TAFA5: variants seen among roughly 807,000 people sequenced by gnomAD.
TAFA5 encodes the protein chemokine-like protein TAFA-5.
In TAFA5, 6 loss-of-function variants were observed where a neutral mutation model predicts 15.3. The ratio of observed to expected loss-of-function variants is 0.39; its 90% confidence interval spans 0.21 to 0.77. The LOEUF (loss-of-function observed/expected upper bound fraction) is 0.77. TAFA5 is among the 30% of genes least tolerant of loss of function. TAFA5 has a pLI of 0.41. For synonymous variants in TAFA5, 103 were observed against 80.7 expected, an observed-to-expected ratio of 1.28 and a Z score of -1.48; for missense variants, 161 against 193.1, an observed-to-expected ratio of 0.83 and a Z score of 0.98.
intron 2 of TAFA5, among the ~76,000 whole-genome samples, chr22:48,676,674 C>G (rs1927982009): frequency 6.6e-6 from 1 of 152,246 alleles, no homozygotes; most frequent in African/African-American, 2.4e-5. Flanking sequence ...GCCACCCTCT[C>G]CCCAGCCAGT....
At chr22:48,665,137 G>A (rs139744623) in intron 2 of TAFA5, among the ~76,000 whole-genome samples, 77 of 152,270 alleles carry the variant, frequency 5.1e-4, no homozygotes, top group African/African-American at 1.7e-3. Flanking sequence ...ACGGTGTTTC[G>A]TGGACTTGGT....
chr22:48,525,195 C>T lies in TAFA5; in HGVS notation c.112+35491C>T, dbSNP rs184449493. Among the ~76,000 whole-genome samples the T allele has an allele frequency of 6.9e-4, 105 of 152,254 alleles. 1 individual carries two copies. The highest frequency in any genetic ancestry group is 1.2e-3 in the Non-Finnish European group (84 of 68,000). On this transcript the variant is annotated intron_variant, in intron 1 of 3. Coordinates refer to ENST00000402357, the MANE Select transcript of TAFA5 (RefSeq NM_001082967.3). ...CGTCCCTTTGCCATGTAGGGTGACC[C>T]GGTGACCCATTCACAGGCTCCAGAG...
At position 48,566,900 on chromosome 22, in the gene TAFA5, T is replaced by C. The variant is rs985435689; in HGVS notation, c.112+77196T>C. 6.6e-6 allele frequency among the ~76,000 whole-genome samples: 1 copy of C among 152,190 alleles called. No homozygotes were observed. The highest frequency in any genetic ancestry group is 1.5e-5 in the Non-Finnish European group (1 of 68,032). ...CCACTGTGGTTTCATGATTTACGCC[T>C]GGGGCCGTCAGTGGGTTGGGTTTGT... On this transcript the variant is annotated intron_variant, in intron 1 of 3. Coordinates refer to ENST00000402357, the MANE Select transcript of TAFA5 (RefSeq NM_001082967.3). The surrounding 1 kb of genome is among the most constrained non-coding windows in gnomAD (Gnocchi z 4.5).
At chr22:48,546,407 G>A (rs1234779597) in intron 1 of TAFA5, 3 of 450,960 alleles carry the variant, frequency 6.7e-6, no homozygotes, top group African/African-American at 6.0e-5. Flanking sequence ...GATGGCTCTT[G>A]GAGGTCCCCG....
intron 1 of TAFA5, among the ~76,000 whole-genome samples, chr22:48,589,244 G>A (rs1218319565): frequency 6.6e-6 from 1 of 152,054 alleles, no homozygotes; most frequent in African/African-American, 2.4e-5. Context: ...CTGGCGGAAG[G>A]TGGCCAGGGG....
intron 1 of TAFA5, among the ~76,000 whole-genome samples, chr22:48,583,870 GCAA>G (rs1924209652): frequency 1.6e-5 from 2 of 126,166 alleles, no homozygotes; most frequent in Admixed American, 1.6e-4. Context: ...ACACACACAC[GCAA>G]CATCATACAC....
intron 2 of TAFA5, among the ~76,000 whole-genome samples, chr22:48,662,916 C>T (rs574880038): frequency 8.9e-4 from 136 of 152,322 alleles, no homozygotes; most frequent in Middle Eastern, 3.4e-3. Context: ...AGACCTCCCA[C>T]GCAGGGAGCC....
chr22:48,743,351 C>T lies in TAFA5; in HGVS notation c.391-6488C>T, dbSNP rs545399091. 2.6e-5 allele frequency among the ~76,000 whole-genome samples: 4 copies of T among 152,348 alleles called. No homozygotes were observed. The East Asian group carries it at 7.7e-4, about 29-fold the overall frequency. The stretch of plus-strand genomic sequence containing the variant: ...TGGCTCCCGCCTCTGTCTCTGTCTG[C>T]ATGGGGCCTGCTGCTCTGTGTGTTT... On this transcript the variant is annotated intron_variant, in intron 3 of 3. Coordinates refer to ENST00000402357, the MANE Select transcript of TAFA5 (RefSeq NM_001082967.3).
In TAFA5 at chr22:48,560,389, G is replaced by GGC. The variant is rs1923188274; in HGVS notation, c.112+70685_112+70686insGC. On this transcript the variant is annotated intron_variant, in intron 1 of 3. Transcript: ENST00000402357. This position sits in a 1 kb window ranked among gnomAD's most constrained non-coding sequence, Gnocchi z 4.2. ...CCATTCTCGGCCTCCAATCCCTGGA[G>GGC]ACCACACGTGGGATGCCAGGAGCAC... Among the ~76,000 whole-genome samples, 3 of 152,138 alleles carry GGC rather than the reference G, an allele frequency of 2.0e-5. No individual in the cohort carries two copies. Among genetic ancestry groups the GGC allele is most frequent in the Non-Finnish European group, 4.4e-5 (3 of 68,028 alleles).
intron 3 of TAFA5, among the ~76,000 whole-genome samples, chr22:48,740,490 AG>A (rs960721341): frequency 3.9e-5 from 6 of 152,294 alleles, no homozygotes; most frequent in African/African-American, 1.2e-4. Flanking sequence ...TGGGCTTACC[AG>A]GGGGGCAGGG....
intron 1 of TAFA5, among the ~76,000 whole-genome samples, chr22:48,502,969 T>C (rs1920961560): frequency 6.6e-6 from 1 of 152,210 alleles, no homozygotes; most frequent in African/African-American, 2.4e-5. Context: ...CATTTATTGG[T>C]GCTAATTCAT....
chr22:48,689,773 T>C (rs933150076), intron 2 of TAFA5, among the ~76,000 whole-genome samples: 1 of 152,130 alleles, frequency 6.6e-6, no homozygotes, highest in African/African-American at 2.4e-5. Flanking sequence ...GATGGGCTGG[T>C]ATCATTGGCA....
intron 1 of TAFA5, among the ~76,000 whole-genome samples, chr22:48,510,359 AAAT>A (rs1921167182): frequency 6.6e-6 from 1 of 152,250 alleles, no homozygotes; most frequent in African/African-American, 2.4e-5. Context: ...AAAAACCCCC[AAAT>A]AATCTCATTA....
chr22:48,629,526 G>A (rs1838318157), intron 1 of TAFA5, among the ~76,000 whole-genome samples: 1 of 152,202 alleles, frequency 6.6e-6, no homozygotes, highest in South Asian at 2.1e-4. Context: ...CCTAGAAACG[G>A]TCTGAAAGGC....
chr22:48,750,018 G>A lies in TAFA5; in HGVS notation c.*171G>A. On this transcript the variant is annotated 3_prime_UTR_variant, in exon 4 of 4. Transcript: ENST00000402357. ...TCAGGCCTTGGCATCCTGAGCTTCG[G>A]TCTGTCCAGCCGACCCGAGGAGGCC... 1 of 682,980 alleles carries A rather than the reference G, an allele frequency of 1.5e-6. No homozygotes were observed. Among genetic ancestry groups the A allele is most frequent in the Admixed American group, 2.4e-5 (1 of 41,116 alleles). 42.3% of individuals were successfully genotyped at this position (682,980 alleles called of 1,614,324 possible). A position where few individuals can be genotyped will look rare whatever the true frequency, so the allele number is the denominator to read the frequency against.
intron 1 of TAFA5, among the ~76,000 whole-genome samples, chr22:48,634,713 C>A (rs1206486937): frequency 2.0e-5 from 3 of 151,778 alleles, no homozygotes; most frequent in Admixed American, 2.0e-4. Flanking sequence ...ATTCATTCAC[C>A]CTCTCATTCA....
At chr22:48,608,702 G>A (rs1450691111) in intron 1 of TAFA5, among the ~76,000 whole-genome samples, 1 of 152,228 alleles carries the variant, frequency 6.6e-6, no homozygotes, top group African/African-American at 2.4e-5. Context: ...ATGTTGGTTG[G>A]GGGTGGTGGA....
chr22:48,551,791 C>T (rs1018366593), intron 1 of TAFA5, among the ~76,000 whole-genome samples: 2 of 152,160 alleles, frequency 1.3e-5, no homozygotes, highest in African/African-American at 4.8e-5. Flanking sequence ...GACCCTTCTC[C>T]AGGAGAGCCG....
intron 3 of TAFA5, among the ~76,000 whole-genome samples, chr22:48,737,236 G>A (rs1930055135): frequency 6.6e-6 from 1 of 152,226 alleles, no homozygotes; most frequent in Non-Finnish European, 1.5e-5. Context: ...CCTGAACGTG[G>A]ACACAGGACA....
Sources: gnomAD v4.1 joint callset for allele counts (sites outside exome capture counted in the v4.1 genomes callset) on GRCh38, gnomAD v4.1.1 for gene constraint, Gnocchi (gnomAD v3.1) non-coding constraint, MANE v1.5 for transcripts, NCBI Gene and HGNC (gene_info 2026-07-23, HGNC 2026-07-21) for gene names.